The following CD96 variants were observed in gnomAD, a reference collection of about 807,000 sequenced individuals.
The protein encoded by CD96 is CD96 molecule, also known as T-cell surface protein tactile.
CD96 carries 70 observed loss-of-function variants against 71.3 expected under a neutral mutation model. The observed-to-expected ratio is 0.98, with a 90% CI of 0.81 to 1.20. CD96 has a LOEUF of 1.20. CD96 is among the 50% of genes most tolerant of loss of function. CD96 has a pLI of 0.00. For synonymous variants in CD96, 248 were observed against 233.0 expected, an observed-to-expected ratio of 1.06 and a Z score of -0.59; for missense variants, 742 against 677.5, an observed-to-expected ratio of 1.10 and a Z score of -1.06.
intron 10 of CD96, 116 bp downstream of exon 10, chr3:111,624,520 G>C (rs1938656202): frequency 1.4e-6 from 1 of 739,288 alleles, no homozygotes; most frequent in Non-Finnish European, 2.4e-6. Context: ...TGTTCACAAA[G>C]CATCTATCAT....
intron 8 of CD96, among the ~76,000 whole-genome samples, chr3:111,616,540 A>G (rs1427279811): frequency 6.6e-6 from 1 of 152,132 alleles, no homozygotes; most frequent in Non-Finnish European, 1.5e-5. Flanking sequence ...TTCCGTGGCT[A>G]GGCCCTGATG....
chr3:111,644,238 A>G (rs568476222), intron 12 of CD96, among the ~76,000 whole-genome samples: 33 of 152,230 alleles, frequency 2.2e-4, no homozygotes, highest in Non-Finnish European at 4.1e-4. Flanking sequence ...CCTTTTCAAT[A>G]AATGGTGCTG....
intron 5 of CD96, chr3:111,594,736 G>C (rs999894200): frequency 8.4e-5 from 14 of 167,558 alleles, no homozygotes; most frequent in South Asian, 2.1e-4. Context: ...GGCCTCACTG[G>C]GTCTTGCTCA....
At chr3:111,653,659 G>A (rs1177717873), downstream of CD96, among the ~76,000 whole-genome samples, 2 of 152,166 alleles carry the variant, frequency 1.3e-5, no homozygotes, top group Non-Finnish European at 2.9e-5. Flanking sequence ...CCAACGTGAT[G>A]ACCCAGCTCT....
At chr3:111,593,475 T>C in intron 5 of CD96, 3 of 1,490,908 alleles carry the variant, frequency 2.0e-6, no homozygotes, top group Non-Finnish European at 2.7e-6. Flanking sequence ...TACATTTGAG[T>C]TGAAACTAAA....
rs72939556 is a variant in CD96, at chr3:111,564,226, T to C, written c.419-3297T>C. Among the ~76,000 whole-genome samples, 497 of 152,138 alleles carry C rather than the reference T, an allele frequency of 3.3e-3. 5 individuals carry two copies. The highest frequency in any genetic ancestry group is 0.011 in the African/African-American group (441 of 41,580). Reference sequence around the variant, plus strand: ...ATTATAGTTTTTAATATTTGTTCTGTTCCATTGCTTTCATCTTTTTTCTTT... The same window carrying C: ...ATTATAGTTTTTAATATTTGTTCTGCTCCATTGCTTTCATCTTTTTTCTTT... On this transcript the variant is annotated intron_variant, in intron 2 of 13. Coordinates refer to ENST00000352690, the MANE Select transcript of CD96 (RefSeq NM_005816.5).
chr3:111,619,802 A>G (rs1321300777), intron 8 of CD96, among the ~76,000 whole-genome samples: 11 of 152,232 alleles, frequency 7.2e-5, no homozygotes, highest in Non-Finnish European at 1.6e-4. Context: ...CAGAATCTCC[A>G]GGTCAGGTTC....
chr3:111,645,518 GAAAAA>G (rs1297679014), intron 12 of CD96, among the ~76,000 whole-genome samples: 2 of 152,174 alleles, frequency 1.3e-5, no homozygotes, highest in Non-Finnish European at 2.9e-5. Context: ...ATAACTTATG[GAAAAA>G]AAAAATAAAA....
At chr3:111,593,646 T>G (rs1328686992) in intron 5 of CD96, 1 of 1,606,062 alleles carries the variant, frequency 6.2e-7, no homozygotes, top group South Asian at 1.1e-5. Flanking sequence ...AGGATGGCCC[T>G]TTCCACCTCC....
At chr3:111,620,726 T>A (rs1159652466) in intron 8 of CD96, among the ~76,000 whole-genome samples, 2 of 152,156 alleles carry the variant, frequency 1.3e-5, no homozygotes, top group African/African-American at 4.8e-5. Flanking sequence ...CAGCCCTCAA[T>A]GTACTCCACA....
Position 111,545,067 on chromosome 3 carries a change from A to G in CD96, c.83A>G (p.Asn28Ser), listed in dbSNP as rs890936152. ...FVKGVWEKTV[N>S]TEENVYATLG... is the part of the protein sequence containing the mutation. ...TCAGGAGTTTGGGAAAAAACAGTCAACACAGAAGAAAATGTTTATGCTACA... is the reference window on the plus strand; with the variant it reads ...TCAGGAGTTTGGGAAAAAACAGTCAGCACAGAAGAAAATGTTTATGCTACA... The change falls in exon 2 of 14, where the codon AAC becomes AGC. Residue 28 changes from asparagine to serine, a missense_variant. By Grantham distance (46) the Asn-to-Ser change is conservative. Coordinates refer to ENST00000352690, the MANE Select transcript of CD96 (RefSeq NM_005816.5). 6.2e-7 allele frequency: 1 copy of G among 1,614,132 alleles called. No individual in the cohort carries two copies. Among genetic ancestry groups the G allele is most frequent in the Non-Finnish European group, 8.5e-7 (1 of 1,179,996 alleles).
chr3:111,571,770 A>G (rs531609701), intron 3 of CD96, among the ~76,000 whole-genome samples: 3 of 152,338 alleles, frequency 2.0e-5, no homozygotes, highest in Admixed American at 2.0e-4. Context: ...TGCTCCTCTC[A>G]TTTACATCTA....
At position 111,606,691 on chromosome 3, in the gene CD96, T is replaced by C; in HGVS notation, c.1088-9T>C. 1 of 1,388,964 alleles carries C rather than the reference T, an allele frequency of 7.2e-7. No individual in the cohort carries two copies. Among genetic ancestry groups the C allele is most frequent in the Non-Finnish European group, 1.0e-6 (1 of 974,534 alleles). The allele number at this position is 1,388,964 out of a possible 1,614,324, so 86.0% of individuals were successfully genotyped here. A position where few individuals can be genotyped will look rare whatever the true frequency, so the allele number is the denominator to read the frequency against. ...TTGTTCATTATAAATCTCTTTCTAA[T>C]CCTTTAAGGTTCTGAAATTTCCTCA... On this transcript the variant is annotated splice_polypyrimidine_tract_variant and intron_variant, in intron 7 of 13. Transcript: ENST00000352690.
chr3:111,551,863 C>T (rs953936779), intron 2 of CD96, among the ~76,000 whole-genome samples: 3 of 152,048 alleles, frequency 2.0e-5, no homozygotes, highest in South Asian at 2.1e-4. Flanking sequence ...AGGTCTTTGA[C>T]GAATGGCCAC....
In CD96 at chr3:111,573,369, A is replaced by T. The variant is rs79801436; in HGVS notation, c.544-5658A>T. 6.0e-4 allele frequency among the ~76,000 whole-genome samples: 91 copies of T among 152,334 alleles called. No homozygotes were observed. The East Asian group carries it at 0.017, about 28-fold the overall frequency. On this transcript the variant is annotated intron_variant, in intron 3 of 13. Transcript: ENST00000352690. ...TATATTGGACATATTTCCTACCATG[A>T]CATACACCTTTAATAAAAATGTTAA... is the stretch of plus-strand genomic sequence containing the variant.
chr3:111,626,481 A>G (rs1380881449), intron 10 of CD96, among the ~76,000 whole-genome samples: 1 of 152,188 alleles, frequency 6.6e-6, no homozygotes, highest in Admixed American at 6.5e-5. Flanking sequence ...ATAATTTCTT[A>G]TATGTTACTG....
chr3:111,631,563 G>C (rs1203665182), intron 10 of CD96, among the ~76,000 whole-genome samples: 1 of 151,864 alleles, frequency 6.6e-6, no homozygotes, highest in Non-Finnish European at 1.5e-5. Flanking sequence ...TGCCCATACT[G>C]TCCAAAGCAA....
chr3:111,605,233 G>A lies in CD96; in HGVS notation c.1088-1467G>A, dbSNP rs1458398205. 2.0e-5 allele frequency among the ~76,000 whole-genome samples: 3 copies of A among 152,198 alleles called. No individual in the cohort carries two copies. The East Asian group carries it at 5.8e-4, about 29-fold the overall frequency. On this transcript the variant is annotated intron_variant, in intron 7 of 13. Coordinates refer to ENST00000352690, the MANE Select transcript of CD96 (RefSeq NM_005816.5). Reference sequence around the variant, plus strand: ...TGACACAGTGATGAGGCATTTGCTAGGGTAAACACTGAGGGGTGATCACAT... The same window carrying A: ...TGACACAGTGATGAGGCATTTGCTAAGGTAAACACTGAGGGGTGATCACAT...
intron 4 of CD96, among the ~76,000 whole-genome samples, chr3:111,584,865 C>A (rs144361100): frequency 1.7e-3 from 265 of 152,250 alleles, no homozygotes; most frequent in Non-Finnish European, 3.1e-3. Flanking sequence ...TTTTCTCTCC[C>A]TCCCCACCAC....
Sources: gnomAD v4.1 joint callset for allele counts (sites outside exome capture counted in the v4.1 genomes callset) on GRCh38, gnomAD v4.1.1 for gene constraint, MANE v1.5 for transcripts, NCBI Gene and HGNC (gene_info 2026-07-23, HGNC 2026-07-21) for gene names.